The following SLC30A8 variants were observed in gnomAD, a reference collection of about 807,000 sequenced individuals.
SLC30A8 encodes solute carrier family 30 member 8.
A neutral mutation model predicts 36.9 loss-of-function variants in SLC30A8; 27 were observed. That is an observed-to-expected ratio of 0.73 (90% confidence interval 0.54 to 1.01). SLC30A8 has a LOEUF of 1.01. SLC30A8 is among the 50% of genes least tolerant of loss of function. The probability of loss-of-function intolerance (pLI) is 0.00; values close to 1 mark genes in which losing one functional copy is unlikely to be tolerated. For synonymous variants in SLC30A8, 164 were observed against 172.4 expected (o/e 0.95, Z 0.38); for missense variants, 439 against 452.0 (o/e 0.97, Z 0.26).
chr8:117,102,997 C>T (rs1040799587), intron 2 of SLC30A8, among the ~76,000 whole-genome samples: 1 of 152,042 alleles, frequency 6.6e-6, no homozygotes, highest in Non-Finnish European at 1.5e-5. Context: ...TCCTAACATC[C>T]CCAAAAGTCT....
intron 1 of SLC30A8, among the ~76,000 whole-genome samples, chr8:116,979,271 A>G (rs1815172063): frequency 1.3e-5 from 2 of 151,698 alleles, no homozygotes; most frequent in Non-Finnish European, 2.9e-5. Context: ...AAAAGAAAAC[A>G]AATCATAAAG....
chr8:116,964,247 A>G (rs754390861), intron 1 of SLC30A8, among the ~76,000 whole-genome samples: 7 of 152,178 alleles, frequency 4.6e-5, no homozygotes, highest in Non-Finnish European at 1.0e-4. Flanking sequence ...AAGTATGAGC[A>G]CGCTGATGCT....
intron 3 of SLC30A8, among the ~76,000 whole-genome samples, chr8:117,156,234 G>C (rs1340996457): frequency 3.9e-5 from 6 of 151,948 alleles, no homozygotes; most frequent in African/African-American, 1.2e-4. Context: ...GTAGAGATGG[G>C]GTTTCACCGT....
intron 6 of SLC30A8, among the ~76,000 whole-genome samples, chr8:117,166,549 T>A (rs527839137): frequency 6.6e-6 from 1 of 152,120 alleles, no homozygotes; most frequent in African/African-American, 2.4e-5. Context: ...GTATATCTTA[T>A]TGGGGAGTAG....
At chr8:117,043,722 T>C (rs1335945982) in intron 2 of SLC30A8, among the ~76,000 whole-genome samples, 1 of 152,216 alleles carries the variant, frequency 6.6e-6, no homozygotes, top group Non-Finnish European at 1.5e-5. Flanking sequence ...TTTCCATTTA[T>C]AATTCTCTCC....
intron 1 of SLC30A8, among the ~76,000 whole-genome samples, chr8:116,959,007 G>T (rs1814319986): frequency 6.6e-6 from 1 of 151,562 alleles, no homozygotes; most frequent in Non-Finnish European, 1.5e-5. Flanking sequence ...CTGCCACCAT[G>T]CCCAGCTAAT....
chr8:117,077,706 A>C (rs1818534373), intron 2 of SLC30A8, among the ~76,000 whole-genome samples: 1 of 152,218 alleles, frequency 6.6e-6, no homozygotes, highest in African/African-American at 2.4e-5. Context: ...GTCAGCATCA[A>C]AATTTGTTGA....
chr8:117,094,525 T>C (rs1819273689), intron 2 of SLC30A8, among the ~76,000 whole-genome samples: 1 of 152,188 alleles, frequency 6.6e-6, no homozygotes, highest in Non-Finnish European at 1.5e-5. Context: ...CTGTTGTGGG[T>C]AGTTCCTCTT....
chr8:117,010,583 T>C (rs981106239), intron 1 of SLC30A8, among the ~76,000 whole-genome samples: 3 of 152,236 alleles, frequency 2.0e-5, no homozygotes, highest in Non-Finnish European at 4.4e-5. Context: ...TCCTGAGTTC[T>C]ACATTCACAG....
intron 2 of SLC30A8, among the ~76,000 whole-genome samples, chr8:117,129,469 T>C (rs1821044715): frequency 6.6e-6 from 1 of 152,040 alleles, no homozygotes; most frequent in Admixed American, 6.6e-5. Context: ...TTTCCTTCCA[T>C]AGGAAAAGTT....
intron 2 of SLC30A8, among the ~76,000 whole-genome samples, chr8:117,040,467 A>G (rs1003132639): frequency 1.3e-5 from 2 of 152,206 alleles, no homozygotes. Flanking sequence ...TTTTTAATAA[A>G]CTGCAAGAGG....
At chr8:117,031,215 T>C (rs748643337) in intron 1 of SLC30A8, among the ~76,000 whole-genome samples, 1 of 145,242 alleles carries the variant, frequency 6.9e-6, no homozygotes, top group African/African-American at 2.7e-5. Flanking sequence ...CTATATTTTG[T>C]ATGCACATTT....
intron 2 of SLC30A8, among the ~76,000 whole-genome samples, chr8:117,125,553 T>C (rs1820869228): frequency 6.6e-6 from 1 of 151,986 alleles, no homozygotes; most frequent in Admixed American, 6.6e-5. Context: ...GCAGCATCTC[T>C]TGAGGTTGGA....
chr8:117,068,092 C>T (rs1010715003), intron 2 of SLC30A8, among the ~76,000 whole-genome samples: 1 of 152,036 alleles, frequency 6.6e-6, no homozygotes, highest in African/African-American at 2.4e-5. Flanking sequence ...TCTTTTTGTT[C>T]TATTATGCAT....
At chr8:117,142,092 A>T (rs1403124882) in intron 1 of SLC30A8, among the ~76,000 whole-genome samples, 2 of 152,086 alleles carry the variant, frequency 1.3e-5, no homozygotes, top group Non-Finnish European at 2.9e-5. Flanking sequence ...ACTGCCTGCC[A>T]CTCAGCCCCA....
chr8:117,115,472 C>T (rs183631147), intron 2 of SLC30A8, among the ~76,000 whole-genome samples: 2 of 152,170 alleles, frequency 1.3e-5, no homozygotes, highest in Non-Finnish European at 2.9e-5. Context: ...ATTTCTTCAC[C>T]AATTTTGCAT....
At chr8:116,972,299 G>GA (rs1229080588) in intron 1 of SLC30A8, among the ~76,000 whole-genome samples, 1 of 152,224 alleles carries the variant, frequency 6.6e-6, no homozygotes, top group Non-Finnish European at 1.5e-5. Flanking sequence ...CACCAGGTTT[G>GA]AATCAGAGAT....
intron 1 of SLC30A8, among the ~76,000 whole-genome samples, chr8:116,993,359 A>G (rs1333427307): frequency 6.6e-6 from 1 of 152,052 alleles, no homozygotes; most frequent in Admixed American, 6.5e-5. Flanking sequence ...TAAGAACTGA[A>G]CTAGCAAAGC....
intron 1 of SLC30A8, among the ~76,000 whole-genome samples, chr8:117,023,884 C>T (rs932216690): frequency 6.6e-6 from 1 of 152,190 alleles, no homozygotes; most frequent in Non-Finnish European, 1.5e-5. Context: ...CATTATCACC[C>T]TAACTAACTT....
Sources: gnomAD v4.1 joint callset for allele counts (sites outside exome capture counted in the v4.1 genomes callset) on GRCh38, gnomAD v4.1.1 for gene constraint, MANE v1.5 for transcripts, NCBI Gene and HGNC (gene_info 2026-07-23, HGNC 2026-07-21) for gene names.